FCRL2: variants seen among roughly 807,000 people sequenced by gnomAD.
The protein encoded by FCRL2 is Fc receptor-like protein 2.
A neutral mutation model predicts 59.8 loss-of-function variants in FCRL2; 48 were observed. That is an observed-to-expected ratio of 0.80 (90% CI 0.64 to 1.02). The LOEUF (loss-of-function observed/expected upper bound fraction) is 1.02, where lower values mean the gene tolerates loss of function less well. FCRL2 is among the 50% of genes least tolerant of loss of function. The pLI, the probability that FCRL2 is intolerant of heterozygous loss-of-function variation, is 0.00. For missense variants in FCRL2, 658 were observed against 597.3 expected, an observed-to-expected ratio of 1.10 and a Z score of -1.06; for synonymous variants, 251 against 229.5, an observed-to-expected ratio of 1.09 and a Z score of -0.85.
Position 157,767,244 on chromosome 1 carries a change from T to C in FCRL2, c.1149A>G (p.Pro383=). 6.2e-7 allele frequency: 1 copy of C among 1,612,798 alleles called. No individual in the cohort carries two copies. Among genetic ancestry groups the C allele is most frequent in the Non-Finnish European group, 8.5e-7 (1 of 1,179,342 alleles). ...ACACCCACCCACCTGAGATGGAGAC[T>C]GGCACTGCCTCACTGCACTGGGCCC... ...GLGAQCSEAV[P]VSISGPDGYR... Residue 383 remains proline (P), a synonymous_variant, in exon 6 of 12, where the codon CCA becomes CCG. Transcript: ENST00000361516.
In FCRL2 at chr1:157,771,938, G is replaced by A. The variant is rs563553407; in HGVS notation, c.53-1272C>T. 1.8e-3 allele frequency among the ~76,000 whole-genome samples: 278 copies of A among 151,956 alleles called. 1 individual carries two copies. Among genetic ancestry groups the A allele is most frequent in the African/African-American group, 6.5e-3 (268 of 41,400 alleles). On this transcript the variant is annotated intron_variant, in intron 2 of 11. Transcript: ENST00000361516. ...AAGCCACAGGAAATCTGTGGCATTT[G>A]GAGGTATAATTTTTGGCAAAATGTA... is the stretch of plus-strand genomic sequence containing the variant.
intron 7 of FCRL2, among the ~76,000 whole-genome samples, chr1:157,763,807 G>A (rs1249438966): frequency 6.6e-6 from 1 of 152,128 alleles, no homozygotes; most frequent in Non-Finnish European, 1.5e-5. Flanking sequence ...AAGGCGGGCA[G>A]ATCAGGAAGT....
At chr1:157,757,110 C>T (rs1305528970) in intron 7 of FCRL2, among the ~76,000 whole-genome samples, 1 of 152,178 alleles carries the variant, frequency 6.6e-6, no homozygotes, top group African/African-American at 2.4e-5. Context: ...TTTTCTCTAC[C>T]ACTTGCATTT....
intron 7 of FCRL2, among the ~76,000 whole-genome samples, chr1:157,754,499 C>A (rs145645352): frequency 0.012 from 1,802 of 152,182 alleles, 15 homozygotes; most frequent in Admixed American, 0.019. Flanking sequence ...AATAGCCATT[C>A]TTTTATTCCT....
Position 157,745,838 on chromosome 1 carries a change from G to T in FCRL2, c.*898C>A, listed in dbSNP as rs548222438. ...AAAAATCACATTTTTGCAACTATAT[G>T]CATACTTTGGTGATATTGCAGGTTC... On this transcript the variant is annotated 3_prime_UTR_variant, in exon 12 of 12. Coordinates refer to ENST00000361516, the MANE Select transcript of FCRL2 (RefSeq NM_030764.4). 1.3e-5 allele frequency: 2 copies of T among 152,208 alleles called. No individual in the cohort carries two copies. Among genetic ancestry groups the T allele is most frequent in the South Asian group, 4.1e-4 (2 of 4,820 alleles). 9.4% of individuals were successfully genotyped at this position (152,208 alleles called of 1,614,324 possible).
At chr1:157,773,037 C>T (rs540999541) in intron 2 of FCRL2, among the ~76,000 whole-genome samples, 223 of 152,290 alleles carry the variant, frequency 1.5e-3, no homozygotes, top group African/African-American at 5.3e-3. Flanking sequence ...CACACCAAGT[C>T]CCCCTTTAAA....
In FCRL2 at chr1:157,777,110, C is replaced by T; in HGVS notation, c.-37G>A. On this transcript the variant is annotated 5_prime_UTR_variant, in exon 1 of 12. Coordinates refer to ENST00000361516, the MANE Select transcript of FCRL2 (RefSeq NM_030764.4). The stretch of plus-strand genomic sequence containing the variant: ...CCAGCTATTTGAAAAGAGATGTACT[C>T]TTGGTCACCAACTGGAGACTCTGAG... The T allele has an allele frequency of 6.2e-7, 1 of 1,614,120 alleles. No homozygotes were observed. The highest frequency in any genetic ancestry group is 8.5e-7 in the Non-Finnish European group (1 of 1,179,996).
At chr1:157,763,498 C>T (rs1041938501) in intron 7 of FCRL2, among the ~76,000 whole-genome samples, 4 of 152,078 alleles carry the variant, frequency 2.6e-5, no homozygotes, top group Admixed American at 6.5e-5. Context: ...GTGCTCCAGC[C>T]TGGGTGACAA....
Position 157,768,621 on chromosome 1 carries a change from A to G in FCRL2, c.676T>C (p.Cys226Arg). 2 of 1,614,212 alleles carry G rather than the reference A, an allele frequency of 1.2e-6. No homozygotes were observed. The highest frequency in any genetic ancestry group is 1.7e-6 in the Non-Finnish European group (2 of 1,180,024). The change falls in exon 5 of 12, where the codon TGC (cysteine) becomes CGC (arginine). Residue 226 changes from cysteine to arginine, a missense_variant. Cys to Arg is a radical substitution (Grantham distance 180). Transcript: ENST00000361516. The part of the protein sequence containing the change: ...VTEGQKLILL[C>R]SVAGGTGNVT... ...TTTCCTGTACCCCCAGCCACTGAGC[A>G]GAGCAGGATCAGTTTTTGTCCTTCA...
chr1:157,750,280 G>A (rs1308052536), intron 7 of FCRL2, among the ~76,000 whole-genome samples: 2 of 152,166 alleles, frequency 1.3e-5, no homozygotes, highest in Non-Finnish European at 2.9e-5. Flanking sequence ...AGCGATCCAG[G>A]AGATATTTTC....
chr1:157,768,660 CG>C lies in FCRL2; in HGVS notation c.636del (p.Gly214AspfsTer3), dbSNP rs1557867057. ...TTTTGTCCTTCAGTCACCTGTCCCC[CG>C]GGGGCCCGGATCTCCAAGCTTACAT... ...ISNVSLEIRAPGGQVTEGQKL... is the reference protein window; with the variant it reads ...ISNVSLEIRAXGGQVTEGQKL... On this transcript the variant is annotated frameshift_variant, in exon 5 of 12. Transcript: ENST00000361516. LOFTEE classifies it high-confidence loss of function. 13 of 1,613,812 alleles carry C rather than the reference CG, an allele frequency of 8.1e-6. No individual in the cohort carries two copies. The highest frequency in any genetic ancestry group is 1.0e-5 in the Non-Finnish European group (12 of 1,179,830).
In FCRL2 at chr1:157,767,438, G is replaced by T. The variant is rs1649592772; in HGVS notation, c.955C>A (p.Leu319Ile). 6.2e-7 allele frequency: 1 copy of T among 1,614,238 alleles called. No homozygotes were observed. Among genetic ancestry groups the T allele is most frequent in the East Asian group, 2.2e-5 (1 of 44,882 alleles). Residue 319 changes from leucine (L) to isoleucine (I), a missense_variant, in exon 6 of 12, where the codon CTT (leucine) becomes ATT (isoleucine). Transcript: ENST00000361516. ...AQAAVGDLLE[L>I]HCEALRGSPP... ...GAGCCTCTCAGGGCCTCACAGTGAA[G>T]CTCCAGCAGGTCCCCCACTGCAGCC...
intron 7 of FCRL2, among the ~76,000 whole-genome samples, chr1:157,754,063 A>C (rs142408539): frequency 4.6e-5 from 6 of 130,314 alleles, no homozygotes; most frequent in African/African-American, 1.6e-4. Context: ...ATTGAAGAAT[A>C]TTTCTGGATG....
intron 7 of FCRL2, among the ~76,000 whole-genome samples, chr1:157,761,416 G>T (rs539282659): frequency 7.9e-5 from 12 of 152,258 alleles, no homozygotes; most frequent in Middle Eastern, 3.4e-3. Flanking sequence ...AGGAGTTCGA[G>T]ACCAGCCTGG....
chr1:157,757,894 A>G (rs12084783), intron 7 of FCRL2, among the ~76,000 whole-genome samples: 2,693 of 152,310 alleles, frequency 0.018, 71 homozygotes, highest in African/African-American at 0.06. Context: ...CCCAGGAGGC[A>G]GAGCTTGCAG....
At chr1:157,749,259 T>G (rs1235586173) in intron 8 of FCRL2, among the ~76,000 whole-genome samples, 3 of 152,146 alleles carry the variant, frequency 2.0e-5, no homozygotes, top group African/African-American at 7.2e-5. Flanking sequence ...CTCTCACTCC[T>G]TCTTGTACTC....
intron 2 of FCRL2, among the ~76,000 whole-genome samples, chr1:157,773,748 A>T (rs2101767494): frequency 1.3e-5 from 2 of 152,300 alleles, no homozygotes; most frequent in Middle Eastern, 6.8e-3. Context: ...TGTATGCACC[A>T]TTAGCAGGGT....
At chr1:157,767,854 C>A in intron 5 of FCRL2, 1 of 591,154 alleles carries the variant, frequency 1.7e-6, no homozygotes, top group Non-Finnish European at 2.6e-6. Flanking sequence ...TATAGTTGTT[C>A]CTGGGAAAAC....
intron 2 of FCRL2, 112 bp downstream of exon 2, chr1:157,775,663 G>T (rs1458592044): frequency 8.6e-7 from 1 of 1,165,346 alleles, no homozygotes. Context: ...CTAGAGGGCA[G>T]TAATATTAGG....
Sources: gnomAD v4.1 joint callset for allele counts (sites outside exome capture counted in the v4.1 genomes callset) on GRCh38, gnomAD v4.1.1 for gene constraint, MANE v1.5 for transcripts, NCBI Gene and HGNC (gene_info 2026-07-23, HGNC 2026-07-21) for gene names.